Variants in RFX7 observed in about 807,000 individuals in gnomAD.
RFX7 encodes DNA-binding protein RFX7.
In RFX7, 26 loss-of-function variants were observed where a neutral mutation model predicts 111.8. The ratio of observed to expected loss-of-function variants is 0.23; its 90% CI spans 0.17 to 0.32. The LOEUF is 0.32. Ranked by LOEUF, RFX7 falls within the 10% of genes least tolerant of loss-of-function variation. RFX7 has a pLI of 1.00. For missense variants in RFX7, 1,573 were observed against 1,772.9 expected (o/e 0.89, Z 2.02); for synonymous variants, 624 against 624.4 (o/e 1.00, Z 0.01).
chr15:56,242,994 CGACT>C (rs2043722575), intron 2 of RFX7, 127 bp downstream of exon 2: 2 of 679,652 alleles, frequency 2.9e-6, no homozygotes, highest in East Asian at 1.4e-4. Flanking sequence ...AATGTGCACC[CGACT>C]GGGGAAAGCC....
intron 2 of RFX7, among the ~76,000 whole-genome samples, chr15:56,239,984 CTTTTTTTTTT>C (rs5812831): frequency 0.16 from 19,048 of 121,010 alleles, 1,665 homozygotes; most frequent in East Asian, 0.47. Flanking sequence ...TTTGGTATTT[CTTTTTTTTTT>C]TTTTTTTTTT....
At chr15:56,224,922 A>T (rs1394633301) in intron 2 of RFX7, among the ~76,000 whole-genome samples, 1 of 152,102 alleles carries the variant, frequency 6.6e-6, no homozygotes, top group East Asian at 1.9e-4. Flanking sequence ...GCCTGTTTAA[A>T]CAGCTAACCA....
chr15:56,236,952 T>C (rs1482534561), intron 2 of RFX7, among the ~76,000 whole-genome samples: 2 of 152,190 alleles, frequency 1.3e-5, no homozygotes, highest in African/African-American at 4.8e-5. Flanking sequence ...TAATCTCACA[T>C]AACAGAACCC....
intron 2 of RFX7, among the ~76,000 whole-genome samples, chr15:56,210,190 T>C (rs369242896): frequency 5.3e-5 from 8 of 152,130 alleles, no homozygotes; most frequent in African/African-American, 1.9e-4. Flanking sequence ...AACATATTAA[T>C]TTCAGATAAG....
chr15:56,101,754 C>T (rs115637793), intron 7 of RFX7, among the ~76,000 whole-genome samples, 188 bp from the exon 8 acceptor site: 1,720 of 152,278 alleles, frequency 0.011, 37 homozygotes, highest in African/African-American at 0.037. Flanking sequence ...TAGTGCACAG[C>T]AGTCAGCAGC....
At position 56,157,789 on chromosome 15, in the gene RFX7, G is replaced by A. The variant is rs149795147; in HGVS notation, c.196-13306C>T. 1.4e-4 allele frequency among the ~76,000 whole-genome samples: 21 copies of A among 152,130 alleles called. No homozygotes were observed. In the East Asian group the frequency reaches 3.3e-3, roughly 24 times the overall value. On this transcript the variant is annotated intron_variant, in intron 3 of 9. Coordinates refer to ENST00000559447, the MANE Select transcript of RFX7 (RefSeq NM_022841.7). ...GAGATGGGGTTTCACCATGTTGGTC[G>A]GGCTGGTCTTGAACTCCTGACCTCA...
At chr15:56,163,103 G>A (rs1187801665) in intron 3 of RFX7, among the ~76,000 whole-genome samples, 1 of 151,930 alleles carries the variant, frequency 6.6e-6, no homozygotes, top group Non-Finnish European at 1.5e-5. Context: ...AGTCTGTGTC[G>A]GTGAGTTGAC....
chr15:56,142,635 C>A lies in RFX7; in HGVS notation c.401+143G>T, dbSNP rs1157212677. 4.3e-6 allele frequency: 3 copies of A among 702,042 alleles called. No individual in the cohort carries two copies. The East Asian group carries it at 8.6e-5, about 20-fold the overall frequency. The allele number at this position is 702,042 out of a possible 1,614,324, so 43.5% of individuals were successfully genotyped here. On this transcript the variant is annotated intron_variant, in intron 5 of 9. Transcript: ENST00000559447. ...TAAATGCTACTACAGAAGCTTAGAG[C>A]TGGAATGAATCTTAAGAGATTTCTA...
rs2042721762 is a variant in RFX7, at chr15:56,161,709, G to T, written c.196-17226C>A. Among the ~76,000 whole-genome samples the T allele has an allele frequency of 2.6e-5, 4 of 152,144 alleles. No homozygotes were observed. In the South Asian group the frequency reaches 8.3e-4, roughly 32 times the overall value. On this transcript the variant is annotated intron_variant, in intron 3 of 9. Coordinates refer to ENST00000559447, the MANE Select transcript of RFX7 (RefSeq NM_022841.7). ...AACTGAGATAATGAATAACACGGTAGAAAGTACCGTAGTATCATAGTATCT... is the reference window on the plus strand; with the variant it reads ...AACTGAGATAATGAATAACACGGTATAAAGTACCGTAGTATCATAGTATCT...
intron 2 of RFX7, among the ~76,000 whole-genome samples, chr15:56,196,835 C>T (rs1304571773): frequency 2.6e-5 from 4 of 152,134 alleles, no homozygotes; most frequent in African/African-American, 9.7e-5. Flanking sequence ...CAGCTCTGTA[C>T]TGTAACATAC....
At chr15:56,111,419 T>C (rs2041929127) in intron 5 of RFX7, among the ~76,000 whole-genome samples, 1 of 151,476 alleles carries the variant, frequency 6.6e-6, no homozygotes, top group Non-Finnish European at 1.5e-5. Flanking sequence ...CGGTGCAAGA[T>C]GTGCTTTGTT....
chr15:56,106,971 G>A (rs1244054229), intron 5 of RFX7, among the ~76,000 whole-genome samples: 1 of 151,978 alleles, frequency 6.6e-6, no homozygotes, highest in Non-Finnish European at 1.5e-5. Flanking sequence ...GGTGAGGAAC[G>A]GAGAATGTTC....
At chr15:56,234,180 A>T (rs780423775) in intron 2 of RFX7, among the ~76,000 whole-genome samples, 13 of 152,218 alleles carry the variant, frequency 8.5e-5, no homozygotes, top group Non-Finnish European at 1.6e-4. Context: ...ACCACTGCTT[A>T]TACGCCATTA....
chr15:56,212,640 C>G (rs1003584676), intron 2 of RFX7, among the ~76,000 whole-genome samples: 3 of 152,006 alleles, frequency 2.0e-5, no homozygotes, highest in Admixed American at 2.0e-4. Context: ...TCTGGTTCTT[C>G]TTTTGTGTGA....
intron 2 of RFX7, among the ~76,000 whole-genome samples, chr15:56,214,799 AT>A (rs1299181865): frequency 2.0e-5 from 3 of 152,110 alleles, no homozygotes; most frequent in Admixed American, 2.0e-4. Context: ...GTTATTGAAA[AT>A]GTTTAATTAC....
At chr15:56,118,901 G>T (rs564305281) in intron 5 of RFX7, among the ~76,000 whole-genome samples, 8 of 151,798 alleles carry the variant, frequency 5.3e-5, no homozygotes, top group African/African-American at 1.9e-4. Context: ...ACTGGGGTGA[G>T]ACTATATATT....
At chr15:56,112,010 G>T (rs1683612181) in intron 5 of RFX7, among the ~76,000 whole-genome samples, 1 of 151,926 alleles carries the variant, frequency 6.6e-6, no homozygotes, top group African/African-American at 2.4e-5. Flanking sequence ...AGCTACTCGG[G>T]AGGCTGAGGC....
chr15:56,127,377 G>A (rs960851074), intron 5 of RFX7, among the ~76,000 whole-genome samples: 17 of 150,792 alleles, frequency 1.1e-4, no homozygotes, highest in African/African-American at 4.2e-4. Flanking sequence ...AAGAAGAAAG[G>A]TGTCAAATCA....
chr15:56,165,692 C>T (rs1268425664), intron 3 of RFX7, among the ~76,000 whole-genome samples: 1 of 152,088 alleles, frequency 6.6e-6, no homozygotes. Flanking sequence ...AGATGCTTTA[C>T]TAGGGTATGC....
Sources: allele counts gnomAD v4.1 joint callset (sites outside exome capture counted in the v4.1 genomes callset), GRCh38; gene constraint gnomAD v4.1.1; transcripts MANE v1.5; gene names NCBI Gene and HGNC (gene_info 2026-07-23, HGNC 2026-07-21).